Variants in ERC1 observed in about 807,000 individuals in gnomAD.
ERC1 encodes ELKS/RAB6-interacting/CAST family member 1, also known as RAB6 interacting protein 2.
In ERC1, 56 loss-of-function variants were observed where a neutral mutation model predicts 132.0. That is an observed-to-expected ratio of 0.42 (90% CI 0.34 to 0.53). The LOEUF is 0.53. ERC1 is among the 20% of genes least tolerant of loss of function. The pLI, the probability that ERC1 is intolerant of heterozygous loss-of-function variation, is 0.03. For synonymous variants in ERC1, 478 were observed against 476.1 expected (o/e 1.00, Z -0.05); for missense variants, 1,202 against 1,349.9 (o/e 0.89, Z 1.72).
At chr12:1,435,419 C>G (rs1433564877) in intron 17 of ERC1, among the ~76,000 whole-genome samples, 2 of 152,106 alleles carry the variant, frequency 1.3e-5, no homozygotes, top group Non-Finnish European at 2.9e-5. Flanking sequence ...CCTGGCTTTC[C>G]TGGAATTAGC....
intron 8 of ERC1, among the ~76,000 whole-genome samples, chr12:1,160,203 C>T (rs373575023): frequency 5.3e-5 from 8 of 152,148 alleles, no homozygotes; most frequent in African/African-American, 1.7e-4. Context: ...CATTTATAAA[C>T]GTGCTCTGTA....
chr12:1,485,485 G>C (rs542402824), intron 18 of ERC1, among the ~76,000 whole-genome samples: 7 of 152,186 alleles, frequency 4.6e-5, no homozygotes, highest in Non-Finnish European at 1.0e-4. Context: ...TTACAGGCGT[G>C]AGCCACTGCA....
At chr12:1,056,581 G>C (rs1335125617) in intron 2 of ERC1, among the ~76,000 whole-genome samples, 1 of 152,130 alleles carries the variant, frequency 6.6e-6, no homozygotes, top group Non-Finnish European at 1.5e-5. Context: ...TTAGGGCTAG[G>C]TGTTCCATTT....
At chr12:1,407,199 G>A (rs952272662) in intron 16 of ERC1, among the ~76,000 whole-genome samples, 3 of 152,066 alleles carry the variant, frequency 2.0e-5, no homozygotes, top group Non-Finnish European at 4.4e-5. Flanking sequence ...CTGGCTTAGG[G>A]TTGAGGAGAA....
At chr12:1,204,375 G>A in intron 12 of ERC1, 1 of 675,746 alleles carries the variant, frequency 1.5e-6, no homozygotes, top group Non-Finnish European at 2.5e-6. Flanking sequence ...TAGAATTTGT[G>A]ACTCCTTCCC....
intron 6 of ERC1, 38 bp downstream of exon 6, chr12:1,112,336 T>G (rs1945978285): frequency 2.8e-6 from 4 of 1,451,188 alleles, no homozygotes; most frequent in East Asian, 2.3e-5. Context: ...TGTGCAGTGG[T>G]CCCACAGTGG....
At chr12:1,314,517 C>T (rs79758494) in intron 15 of ERC1, among the ~76,000 whole-genome samples, 3,873 of 152,196 alleles carry the variant, frequency 0.025, 76 homozygotes, top group South Asian at 0.08. Context: ...TTAAAAAATG[C>T]GCAAAAACTT....
chr12:1,395,552 A>G (rs1444956384), intron 16 of ERC1, among the ~76,000 whole-genome samples: 1 of 152,312 alleles, frequency 6.6e-6, no homozygotes, highest in African/African-American at 2.4e-5. Context: ...CTAAATATAC[A>G]TGGTAATTGG....
chr12:1,425,081 G>A (rs1167322544), intron 17 of ERC1, among the ~76,000 whole-genome samples: 1 of 152,074 alleles, frequency 6.6e-6, no homozygotes, highest in Non-Finnish European at 1.5e-5. Flanking sequence ...GGGGAGTAGG[G>A]GTTGGAATAG....
At chr12:1,206,888 A>G (rs997570760) in intron 12 of ERC1, among the ~76,000 whole-genome samples, 4 of 152,096 alleles carry the variant, frequency 2.6e-5, no homozygotes, top group African/African-American at 9.7e-5. Context: ...TAACCCATTT[A>G]TACCAGAGGT....
chr12:1,477,738 G>A (rs1421083142), intron 18 of ERC1, among the ~76,000 whole-genome samples: 1 of 152,162 alleles, frequency 6.6e-6, no homozygotes, highest in African/African-American at 2.4e-5. Context: ...TGTTACCAGT[G>A]CCGAAGCCCC....
intron 18 of ERC1, among the ~76,000 whole-genome samples, chr12:1,476,017 A>C (rs1010576691): frequency 1.3e-5 from 2 of 151,672 alleles, no homozygotes; most frequent in South Asian, 4.2e-4. Flanking sequence ...TAATCCCAGC[A>C]CTTTGGGAGG....
intron 7 of ERC1, among the ~76,000 whole-genome samples, chr12:1,130,695 CT>C (rs1330119363): frequency 2.8e-5 from 4 of 143,918 alleles, no homozygotes; most frequent in Non-Finnish European, 6.1e-5. Flanking sequence ...ATTTTGATAT[CT>C]GAGCTTTTCA....
Position 1,083,273 on chromosome 12 carries a change from C to T in ERC1, c.779C>T (p.Ala260Val). The change falls in exon 3 of 19, where the codon GCA becomes GTA. Residue 260 changes from alanine to valine, a missense_variant. By Grantham distance (64) the Ala-to-Val change is moderately conservative (BLOSUM62 0). Transcript: ENST00000360905. ...SSSRTGEPCV[A>V]ELTEENFQRL... ...AGCAGGACTGGCGAACCTTGTGTAG[C>T]AGAGCTGACAGAGGAGAACTTTCAG... 6.2e-7 allele frequency: 1 copy of T among 1,614,156 alleles called. No individual in the cohort carries two copies. The highest frequency in any genetic ancestry group is 8.5e-7 in the Non-Finnish European group (1 of 1,180,024).
intron 17 of ERC1, among the ~76,000 whole-genome samples, chr12:1,431,061 C>G (rs73597964): frequency 6.6e-6 from 1 of 152,024 alleles, no homozygotes; most frequent in Non-Finnish European, 1.5e-5. Context: ...AGTTAACTTG[C>G]CCGTAGGAAC....
At chr12:1,305,519 C>T (rs868650403) in intron 15 of ERC1, among the ~76,000 whole-genome samples, 5 of 152,186 alleles carry the variant, frequency 3.3e-5, no homozygotes, top group East Asian at 1.9e-4. Context: ...GCCCCACCCC[C>T]GTAAGTTATT....
At chr12:1,332,241 T>C (rs2082919575) in intron 15 of ERC1, among the ~76,000 whole-genome samples, 1 of 152,230 alleles carries the variant, frequency 6.6e-6, no homozygotes, top group Non-Finnish European at 1.5e-5. Flanking sequence ...ATTTTAACTT[T>C]CTTACAATTG....
intron 4 of ERC1, among the ~76,000 whole-genome samples, chr12:1,109,865 T>C (rs532055489): frequency 6.6e-6 from 1 of 152,290 alleles, no homozygotes; most frequent in East Asian, 1.9e-4. Context: ...CTGGCCAACA[T>C]GGCAAAACCC....
At chr12:1,329,216 C>A (rs746410968) in intron 15 of ERC1, among the ~76,000 whole-genome samples, 1 of 145,600 alleles carries the variant, frequency 6.9e-6, no homozygotes, top group South Asian at 2.2e-4. Flanking sequence ...ATCACTTGAA[C>A]CCCAGAGGCG....
Sources: allele counts gnomAD v4.1 joint callset (sites outside exome capture counted in the v4.1 genomes callset), GRCh38; gene constraint gnomAD v4.1.1; transcripts MANE v1.5; gene names NCBI Gene and HGNC (gene_info 2026-07-23, HGNC 2026-07-21).